Variants in LITAF observed in about 807,000 individuals in gnomAD.
The protein encoded by LITAF is lipopolysaccharide-induced tumor necrosis factor-alpha factor.
LITAF carries 9 observed loss-of-function variants against 14.5 expected under a neutral mutation model. The ratio of observed to expected loss-of-function variants is 0.62; its 90% CI spans 0.37 to 1.08. The LOEUF is 1.08. Among genes scored for constraint, LITAF ranks in the 50% least tolerant of loss-of-function variants. The pLI is 0.01. For synonymous variants in LITAF, 98 were observed against 88.2 expected (o/e 1.11, Z -0.62); for missense variants, 206 against 213.4 (o/e 0.97, Z 0.22).
At chr16:11,552,917 C>A (rs1289380976) in intron 3 of LITAF, among the ~76,000 whole-genome samples, 3 of 151,950 alleles carry the variant, frequency 2.0e-5, no homozygotes, top group African/African-American at 7.3e-5. Context: ...AGTTCGAGAC[C>A]AGCCTGGCCA....
intron 1 of LITAF, among the ~76,000 whole-genome samples, chr16:11,557,636 G>C (rs2064295199): frequency 6.6e-6 from 1 of 152,030 alleles, no homozygotes; most frequent in Admixed American, 6.6e-5. Context: ...TTTTTGTAGA[G>C]ATGGGGGTCT....
Position 11,632,432 on chromosome 16 carries a change from C to T in LITAF, c.85+1101G>A, listed in dbSNP as rs1433153948. ...GAGAGGGACAGAGAGGGCTACTATG[C>T]TCCACTGTCTGCTGGAAACCCTGTT... is the stretch of plus-strand genomic sequence containing the variant. On this transcript the variant is annotated intron_variant, in intron 3 of 3. Coordinates refer to the LITAF transcript ENST00000574848. The surrounding 1 kb of genome is among the most constrained non-coding windows in gnomAD (Gnocchi z 4.8). 2.6e-5 allele frequency among the ~76,000 whole-genome samples: 4 copies of T among 151,896 alleles called. No individual in the cohort carries two copies. The highest frequency in any genetic ancestry group is 5.9e-5 in the Non-Finnish European group (4 of 67,962).
intron 3 of LITAF, among the ~76,000 whole-genome samples, chr16:11,626,905 C>A (rs138750332): frequency 6.6e-6 from 1 of 151,792 alleles, no homozygotes; most frequent in Non-Finnish European, 1.5e-5. Flanking sequence ...TGCAGTGGCA[C>A]GATCTTGGCT....
chr16:11,627,345 G>A (rs1425919376), intron 3 of LITAF, among the ~76,000 whole-genome samples: 1 of 152,218 alleles, frequency 6.6e-6, no homozygotes, highest in Non-Finnish European at 1.5e-5. Flanking sequence ...GGAGAATGAA[G>A]CCAACACAGA....
At chr16:11,618,736 G>T (rs1436695268) in intron 3 of LITAF, among the ~76,000 whole-genome samples, 1 of 152,110 alleles carries the variant, frequency 6.6e-6, no homozygotes, top group Non-Finnish European at 1.5e-5. Context: ...TGTAATCCCA[G>T]CACTTTAGGA....
intron 3 of LITAF, among the ~76,000 whole-genome samples, chr16:11,631,453 T>A (rs1488137260): frequency 6.6e-6 from 1 of 152,082 alleles, no homozygotes; most frequent in East Asian, 1.9e-4. Flanking sequence ...TGGAGTGCAG[T>A]GGCGTGAACA....
intron 1 of LITAF, among the ~76,000 whole-genome samples, chr16:11,559,671 A>G (rs1487764269): frequency 6.6e-6 from 1 of 151,622 alleles, no homozygotes; most frequent in Non-Finnish European, 1.5e-5. Flanking sequence ...ATGTATTGTT[A>G]ATTTCACCTG....
At chr16:11,607,177 C>A (rs1216764429) in intron 3 of LITAF, among the ~76,000 whole-genome samples, 1 of 152,172 alleles carries the variant, frequency 6.6e-6, no homozygotes, top group Non-Finnish European at 1.5e-5. Context: ...GAAAGTAAAA[C>A]CCCCACTCTC....
In LITAF at chr16:11,634,315, T is replaced by C. The variant is rs575556437; in HGVS notation, c.-20-678A>G. 2.0e-5 allele frequency among the ~76,000 whole-genome samples: 3 copies of C among 152,348 alleles called. No homozygotes were observed. In the East Asian group the frequency reaches 5.8e-4, roughly 29 times the overall value. On this transcript the variant is annotated intron_variant, in intron 2 of 3. Transcript: ENST00000574848. This position sits in a 1 kb window ranked among gnomAD's most constrained non-coding sequence, Gnocchi z 4.1. ...AACATTTAGTTTACAGTTTAAGTGA[T>C]ACTTTTGTTTTTAGTGTACAGTTTA...
intron 3 of LITAF, among the ~76,000 whole-genome samples, chr16:11,626,354 AT>A (rs888440922): frequency 1.4e-4 from 21 of 147,720 alleles, no homozygotes; most frequent in African/African-American, 5.0e-4. Flanking sequence ...AATTTTTGTA[AT>A]TTTTTTTTAA....
At chr16:11,572,369 C>T (rs2064557367) in intron 1 of LITAF, among the ~76,000 whole-genome samples, 3 of 152,104 alleles carry the variant, frequency 2.0e-5, no homozygotes, top group South Asian at 4.1e-4. Flanking sequence ...ATGCTCCAGT[C>T]CTCCTCAAAA....
Position 11,634,726 on chromosome 16 carries a change from T to C in LITAF, c.-20-1089A>G, listed in dbSNP as rs1026442214. 6.6e-6 allele frequency among the ~76,000 whole-genome samples: 1 copy of C among 152,184 alleles called. No homozygotes were observed. Among genetic ancestry groups the C allele is most frequent in the South Asian group, 2.1e-4 (1 of 4,830 alleles). ...CTAGCCTCTGAATTTTCAGGGAGAC[T>C]GACTTGAGTCATAAAACTCTGGTCT... is the stretch of plus-strand genomic sequence containing the variant. On this transcript the variant is annotated intron_variant, in intron 2 of 3. Transcript: ENST00000574848. The surrounding 1 kb of genome is among the most constrained non-coding windows in gnomAD (Gnocchi z 4.1).
In LITAF at chr16:11,584,547, T is replaced by A. The variant is rs8054918; in HGVS notation, c.-6+2339A>T. 5.9e-5 allele frequency among the ~76,000 whole-genome samples: 9 copies of A among 152,158 alleles called. No homozygotes were observed. In the East Asian group the frequency reaches 1.2e-3, roughly 20 times the overall value. ...AACCACCTGGGCTTGTCTGTACCTC[T>A]TCCACAGCTCTACTGAGACCCTCCT... On this transcript the variant is annotated intron_variant, in intron 1 of 3. Coordinates refer to ENST00000622633, the MANE Select transcript of LITAF (RefSeq NM_001136472.2).
upstream of LITAF, among the ~76,000 whole-genome samples, chr16:11,603,152 G>A (rs1463627947): frequency 6.6e-6 from 1 of 152,134 alleles, no homozygotes; most frequent in East Asian, 1.9e-4. Flanking sequence ...AACAGTAAAG[G>A]GTGCCTCCCT....
chr16:11,578,651 C>G (rs1024715582), intron 1 of LITAF, among the ~76,000 whole-genome samples: 7 of 152,226 alleles, frequency 4.6e-5, no homozygotes, highest in African/African-American at 1.7e-4. Context: ...ATATTAACAT[C>G]TGCAATGTCA....
chr16:11,553,877 A>G lies in LITAF; in HGVS notation c.221-188T>C. On this transcript the variant is annotated intron_variant, in intron 2 of 3. Coordinates refer to ENST00000622633, the MANE Select transcript of LITAF (RefSeq NM_001136472.2). This position sits in a 1 kb window ranked among gnomAD's most constrained non-coding sequence, Gnocchi z 7.7. Reference sequence around the variant, plus strand: ...GGGGAAGGAACACCAGTGTCCATCGACGGACCAATAAACTAACACAGCGAA... The same window carrying G: ...GGGGAAGGAACACCAGTGTCCATCGGCGGACCAATAAACTAACACAGCGAA... 1 of 619,966 alleles carries G rather than the reference A, an allele frequency of 1.6e-6. No homozygotes were observed. Among genetic ancestry groups the G allele is most frequent in the South Asian group, 1.8e-5 (1 of 54,966 alleles). 38.4% of individuals were successfully genotyped at this position (619,966 alleles called of 1,614,324 possible).
chr16:11,594,993 T>G (rs1486771418), intron 1 of LITAF, among the ~76,000 whole-genome samples: 1 of 152,244 alleles, frequency 6.6e-6, no homozygotes, highest in Admixed American at 6.5e-5. Flanking sequence ...CTTTTGCTAC[T>G]GTCCATTTTC....
intron 3 of LITAF, among the ~76,000 whole-genome samples, chr16:11,630,980 C>T (rs2065115170): frequency 6.6e-6 from 1 of 152,160 alleles, no homozygotes; most frequent in Non-Finnish European, 1.5e-5. Flanking sequence ...TCTGTTTGCA[C>T]CCAACTCATC....
At chr16:11,564,559 T>A (rs989561963) in intron 1 of LITAF, among the ~76,000 whole-genome samples, 1 of 145,976 alleles carries the variant, frequency 6.9e-6, no homozygotes, top group Non-Finnish European at 1.5e-5. Flanking sequence ...CTAGATAGAA[T>A]CTTGAATTTT....
Sources: allele counts gnomAD v4.1 joint callset (sites outside exome capture counted in the v4.1 genomes callset), GRCh38; gene constraint gnomAD v4.1.1; non-coding constraint Gnocchi (gnomAD v3.1); transcripts MANE v1.5; gene names NCBI Gene and HGNC (gene_info 2026-07-23, HGNC 2026-07-21).